The following CD99L2 variants were observed in gnomAD, a reference collection of about 807,000 sequenced individuals.
The protein encoded by CD99L2 is CD99 molecule like 2.
Under a neutral mutation model 27.3 loss-of-function variants are expected in CD99L2, and 24 were observed. The ratio of observed to expected loss-of-function variants is 0.88; its 90% CI spans 0.64 to 1.24. CD99L2 has a LOEUF of 1.24. CD99L2 is among the 50% of genes most tolerant of loss of function. CD99L2 has a pLI of 0.00. For synonymous variants in CD99L2, 97 were observed against 87.9 expected (o/e 1.10, Z -0.58); for missense variants, 255 against 221.6 (o/e 1.15, Z -0.96).
Position 150,767,532 on chromosome X carries a change from C to T in CD99L2, c.*1502G>A, listed in dbSNP as rs1284548186. 8.9e-6 allele frequency: 1 copy of T among 111,801 alleles called. No homozygotes were observed. The highest frequency in any genetic ancestry group is 1.9e-5 in the Non-Finnish European group (1 of 53,158). The allele number at this position is 111,801 out of a possible 1,213,427, so 9.2% of individuals were successfully genotyped here. A position where few individuals can be genotyped will look rare whatever the true frequency, so the allele number is the denominator to read the frequency against. On this transcript the variant is annotated 3_prime_UTR_variant, in exon 11 of 11. Coordinates refer to ENST00000370377, the MANE Select transcript of CD99L2 (RefSeq NM_031462.4). ...AGGGCTACAACTGACCACCCTCCAC[C>T]ACAGGCATGTTTGCAAAACGAACAC...
chrX:150,828,086 T>G (rs56361435), intron 2 of CD99L2, among the ~76,000 whole-genome samples: 1,916 of 111,936 alleles, frequency 0.017, 28 homozygotes, highest in Non-Finnish European at 0.028. Context: ...TTTTCAAGAT[T>G]GTTTGGCTAT....
In CD99L2 at chrX:150,823,445, C is replaced by T. The variant is rs1434591792; in HGVS notation, c.131-7367G>A. Among the ~76,000 whole-genome samples the T allele has an allele frequency of 3.6e-5, 4 of 110,394 alleles. No homozygotes were observed. The Admixed American group carries it at 3.9e-4, about 11-fold the overall frequency. ...GGATTACAGACATGTGCCACCACGC[C>T]CAGCTAATTTTTGTATTTTTAGTAG... On this transcript the variant is annotated intron_variant, in intron 2 of 10. Transcript: ENST00000370377.
intron 1 of CD99L2, among the ~76,000 whole-genome samples, chrX:150,841,716 G>A (rs1419286747): frequency 9.0e-6 from 1 of 111,283 alleles, no homozygotes; most frequent in Non-Finnish European, 1.9e-5. Flanking sequence ...ACAATGTTGT[G>A]CTATGTACCC....
intron 1 of CD99L2, among the ~76,000 whole-genome samples, chrX:150,888,768 G>A (rs1326022789): frequency 3.6e-5 from 4 of 111,688 alleles, no homozygotes; most frequent in Non-Finnish European, 7.5e-5. Context: ...CCACATTTGG[G>A]TGTTCCAGTG....
In CD99L2 at chrX:150,830,551, T is replaced by A. The variant is rs1227190065; in HGVS notation, c.130+680A>T. 4.1e-4 allele frequency among the ~76,000 whole-genome samples: 11 copies of A among 26,535 alleles called. No individual in the cohort carries two copies. The East Asian group carries it at 0.014, about 34-fold the overall frequency. The allele number at this position is 26,535 out of a possible 115,157, so 23.0% of individuals were successfully genotyped here. ...CAGCTTGGGCAATAGAGTAAGATCC[T>A]GTGTCAAGAAAAAAAAAAAGCCATT... On this transcript the variant is annotated intron_variant, in intron 2 of 10. Transcript: ENST00000370377.
chrX:150,776,409 C>T (rs186199755), intron 8 of CD99L2, 116 bp from the exon 9 acceptor site: 44 of 877,734 alleles, frequency 5.0e-5, no homozygotes, highest in Non-Finnish European at 6.6e-5. Flanking sequence ...CCCCCAACCC[C>T]CAAGCCAGCA....
intron 9 of CD99L2, among the ~76,000 whole-genome samples, chrX:150,772,404 T>C (rs1221438431): frequency 3.6e-5 from 4 of 112,105 alleles, no homozygotes; most frequent in Non-Finnish European, 7.5e-5. Context: ...CGAGAGGAGC[T>C]AGGTCAGGAC....
intron 1 of CD99L2, among the ~76,000 whole-genome samples, chrX:150,862,551 T>A (rs782042154): frequency 8.9e-6 from 1 of 112,359 alleles, no homozygotes; most frequent in Non-Finnish European, 1.9e-5. Context: ...AGTGAGACCC[T>A]TGTCAGCCTT....
intron 9 of CD99L2, among the ~76,000 whole-genome samples, chrX:150,772,304 G>A (rs782675371): frequency 3.6e-4 from 41 of 112,621 alleles, no homozygotes; most frequent in African/African-American, 1.0e-3. Flanking sequence ...GAAACCAACC[G>A]GCCCAATCCC....
chrX:150,782,574 C>T (rs1329328975), intron 7 of CD99L2, among the ~76,000 whole-genome samples: 3 of 112,281 alleles, frequency 2.7e-5, no homozygotes, highest in East Asian at 2.8e-4. Flanking sequence ...TTCCCAGGTA[C>T]GTGTTTGGGG....
rs545744272 is a variant in CD99L2 at position 150,886,937 on chromosome X, C to T, written c.67+11585G>A. Among the ~76,000 whole-genome samples, 10 of 111,244 alleles carry T rather than the reference C, an allele frequency of 9.0e-5. No homozygotes were observed. The East Asian group carries it at 2.0e-3, about 22-fold the overall frequency. On this transcript the variant is annotated intron_variant, in intron 1 of 10. Transcript: ENST00000370377. Reference sequence around the variant, plus strand: ...ATCCCAACACTTTGAGAGGCTGAGGCGGGAGGATCACTTGAGCCCAGGAGT... The same window carrying T: ...ATCCCAACACTTTGAGAGGCTGAGGTGGGAGGATCACTTGAGCCCAGGAGT...
chrX:150,830,856 T>A (rs782665334), intron 2 of CD99L2, among the ~76,000 whole-genome samples: 2 of 111,177 alleles, frequency 1.8e-5, no homozygotes, highest in African/African-American at 3.3e-5. Flanking sequence ...TCACCCAGGC[T>A]GGAGTGCAAT....
rs2043326603 is a variant in CD99L2 at position 150,767,172 on chromosome X, G to A, written c.*1862C>T. On this transcript the variant is annotated 3_prime_UTR_variant, in exon 11 of 11. Transcript: ENST00000370377. ...CGGCCCAGCACCAGCCAGAGGGTGG[G>A]GCCATCGGTTCTCGACATACTTGGT... The A allele has an allele frequency of 8.9e-6, 1 of 111,848 alleles. No individual in the cohort carries two copies. Among genetic ancestry groups the A allele is most frequent in the African/African-American group, 3.3e-5 (1 of 30,700 alleles). 9.2% of individuals were successfully genotyped at this position (111,848 alleles called of 1,213,427 possible).
chrX:150,782,701 A>G (rs782508704), intron 7 of CD99L2, among the ~76,000 whole-genome samples: 12 of 111,676 alleles, frequency 1.1e-4, no homozygotes, highest in African/African-American at 3.9e-4. Context: ...GCTGAAATGA[A>G]TGTGGAAATA....
At chrX:150,889,923 C>A (rs1319822701) in intron 1 of CD99L2, among the ~76,000 whole-genome samples, 1 of 110,710 alleles carries the variant, frequency 9.0e-6, no homozygotes, top group Non-Finnish European at 1.9e-5. Flanking sequence ...GAGGCCGAGG[C>A]GGGCGGATCA....
At chrX:150,778,664 AAAGTAT>A (rs1387587314) in intron 7 of CD99L2, among the ~76,000 whole-genome samples, 2 of 61,648 alleles carry the variant, frequency 3.2e-5, no homozygotes, top group Non-Finnish European at 5.4e-5. Flanking sequence ...CCTACAACTT[AAAGTAT>A]AATAAAAAAA....
intron 9 of CD99L2, among the ~76,000 whole-genome samples, chrX:150,773,213 G>A (rs1425353577): frequency 8.9e-6 from 1 of 112,148 alleles, no homozygotes; most frequent in Non-Finnish European, 1.9e-5. Flanking sequence ...GGGAAACTGA[G>A]GGCCCAGCAG....
At chrX:150,771,788 A>G (rs782374310) in intron 9 of CD99L2, 1 of 1,153,893 alleles carries the variant, frequency 8.7e-7, no homozygotes, top group East Asian at 3.3e-5. Context: ...AAAGTGAGGA[A>G]GGCAAAGCAG....
At chrX:150,861,858 A>G in intron 1 of CD99L2, among the ~76,000 whole-genome samples, 1 of 109,240 alleles carries the variant, frequency 9.2e-6, no homozygotes, top group East Asian at 2.9e-4. Flanking sequence ...GTGAGCTGAG[A>G]TCACTCCACT....
Sources: allele counts gnomAD v4.1 joint callset (sites outside exome capture counted in the v4.1 genomes callset), GRCh38; gene constraint gnomAD v4.1.1; transcripts MANE v1.5; gene names NCBI Gene and HGNC (gene_info 2026-07-23, HGNC 2026-07-21).